USH2A: variants seen among roughly 807,000 people sequenced by gnomAD.
The protein encoded by USH2A is Usher syndrome 2A (autosomal recessive, mild).
Under a neutral mutation model 538.9 loss-of-function variants are expected in USH2A, and 443 were observed. The ratio of observed to expected loss-of-function variants is 0.82; its 90% confidence interval spans 0.76 to 0.89. The LOEUF is 0.89. USH2A is among the 40% of genes least tolerant of loss of function. The pLI is 0.00. For synonymous variants in USH2A, 2,413 were observed against 2,273.5 expected, an observed-to-expected ratio of 1.06 and a Z score of -1.75; for missense variants, 6,633 against 6,324.8, an observed-to-expected ratio of 1.05 and a Z score of -1.65.
At chr1:216,329,356 G>A (rs1262372247) in intron 4 of USH2A, among the ~76,000 whole-genome samples, 1 of 152,106 alleles carries the variant, frequency 6.6e-6, no homozygotes, top group Non-Finnish European at 1.5e-5. Context: ...AGAGGGAATG[G>A]TAGAAAGATG....
At chr1:215,629,196 A>T (rs1656176153) in intron 70 of USH2A, among the ~76,000 whole-genome samples, 161 bp from the exon 71 acceptor site, 1 of 152,166 alleles carries the variant, frequency 6.6e-6, no homozygotes. Context: ...AGAATTTAGC[A>T]GCTATGAGCA....
chr1:216,274,982 C>A (rs1308762180), intron 11 of USH2A, among the ~76,000 whole-genome samples: 1 of 152,034 alleles, frequency 6.6e-6, no homozygotes, highest in Admixed American at 6.6e-5. Context: ...TTTTCTCAAT[C>A]TTTTGAGTGT....
intron 64 of USH2A, among the ~76,000 whole-genome samples, chr1:215,663,689 C>CT (rs1467775784): frequency 3.3e-5 from 5 of 152,084 alleles, no homozygotes; most frequent in African/African-American, 1.2e-4. Context: ...AGTCAGAGTC[C>CT]TGTATTGGTT....
At chr1:216,377,448 A>G (rs1401108660) in intron 3 of USH2A, among the ~76,000 whole-genome samples, 1 of 152,198 alleles carries the variant, frequency 6.6e-6, no homozygotes, top group Non-Finnish European at 1.5e-5. Context: ...AATGCAGAAT[A>G]TTCAGTGAAC....
Position 216,356,130 on chromosome 1 carries a change from C to T in USH2A, c.784+8823G>A, listed in dbSNP as rs554496287. 6.4e-4 allele frequency among the ~76,000 whole-genome samples: 97 copies of T among 152,164 alleles called. 1 individual carries two copies. The highest frequency in any genetic ancestry group is 2.3e-3 in the African/African-American group (95 of 41,536). Reference sequence around the variant, plus strand: ...AACCCAAATCTGTCTGATTCTAAATCTCATGCTTTGCTTCTCAGGCACAAA... The same window carrying T: ...AACCCAAATCTGTCTGATTCTAAATTTCATGCTTTGCTTCTCAGGCACAAA... On this transcript the variant is annotated intron_variant, in intron 4 of 71. Coordinates refer to ENST00000307340, the MANE Select transcript of USH2A (RefSeq NM_206933.4).
intron 21 of USH2A, among the ~76,000 whole-genome samples, chr1:216,102,649 A>T (rs1396148271): frequency 6.6e-6 from 1 of 151,976 alleles, no homozygotes; most frequent in African/African-American, 2.4e-5. Context: ...AGTACAAAAA[A>T]ATTAGCCGGG....
At chr1:216,319,982 T>C (rs2037575521) in intron 9 of USH2A, among the ~76,000 whole-genome samples, 1 of 152,184 alleles carries the variant, frequency 6.6e-6, no homozygotes, top group South Asian at 2.1e-4. Flanking sequence ...CATGAGTGTA[T>C]GAGACAGTGC....
chr1:215,679,516 G>A (rs2102671093), intron 62 of USH2A, among the ~76,000 whole-genome samples: 1 of 152,334 alleles, frequency 6.6e-6, no homozygotes, highest in South Asian at 2.1e-4. Context: ...AGAGGTAGAT[G>A]AAGGCTGGTT....
At chr1:215,695,893 G>T (rs899653426) in intron 61 of USH2A, among the ~76,000 whole-genome samples, 19 of 152,004 alleles carry the variant, frequency 1.2e-4, no homozygotes, top group Admixed American at 1.3e-4. Flanking sequence ...GGAATTACAG[G>T]TGTGTGCCAC....
At chr1:215,824,659 A>C (rs1206844906) in intron 47 of USH2A, among the ~76,000 whole-genome samples, 1 of 152,072 alleles carries the variant, frequency 6.6e-6, no homozygotes, top group Admixed American at 6.6e-5. Context: ...ATCTCCCCAC[A>C]TTGTCTCTGG....
chr1:215,673,046 G>A (rs78798297), intron 63 of USH2A, among the ~76,000 whole-genome samples: 4,577 of 152,254 alleles, frequency 0.03, 208 homozygotes, highest in African/African-American at 0.1. Flanking sequence ...ATACAGCTCT[G>A]CAGCTACAGT....
At chr1:216,022,839 C>T (rs569859279) in intron 32 of USH2A, among the ~76,000 whole-genome samples, 2 of 152,264 alleles carry the variant, frequency 1.3e-5, no homozygotes, top group South Asian at 2.1e-4. Context: ...CCTGGCACAG[C>T]AGTGGGAGAG....
intron 4 of USH2A, among the ~76,000 whole-genome samples, chr1:216,358,654 T>G (rs1571737561): frequency 6.6e-6 from 1 of 152,118 alleles, no homozygotes; most frequent in Admixed American, 6.6e-5. Context: ...GGTACGACTG[T>G]ACATATAAAT....
intron 4 of USH2A, among the ~76,000 whole-genome samples, chr1:216,339,001 A>G (rs1020968863): frequency 6.6e-6 from 1 of 151,620 alleles, no homozygotes; most frequent in Non-Finnish European, 1.5e-5. Context: ...TAAGAAGCCT[A>G]TGATACCTTT....
rs575738490 is a variant in USH2A at position 216,081,577 on chromosome 1, A to G, written c.5298+1879T>C. Among the ~76,000 whole-genome samples, 3 of 152,074 alleles carry G rather than the reference A, an allele frequency of 2.0e-5. No individual in the cohort carries two copies. The South Asian group carries it at 6.2e-4, about 32-fold the overall frequency. ...CATAATAGGCACTCCGTATATATTT[A>G]TCTAAGTGTATTGATTTTTTTTTGT... On this transcript the variant is annotated intron_variant, in intron 26 of 71. Coordinates refer to ENST00000307340, the MANE Select transcript of USH2A (RefSeq NM_206933.4).
At chr1:215,704,449 C>G (rs1659126252) in intron 61 of USH2A, among the ~76,000 whole-genome samples, 1 of 152,220 alleles carries the variant, frequency 6.6e-6, no homozygotes, top group South Asian at 2.1e-4. Context: ...CTCCTAGATC[C>G]TAATGCATTG....
Position 215,770,509 on chromosome 1 carries a change from TG to T in USH2A, c.10940-3722del, listed in dbSNP as rs147395257. Among the ~76,000 whole-genome samples the T allele has an allele frequency of 4.3e-3, 649 of 152,312 alleles. 6 individuals are homozygous for T. Among genetic ancestry groups the T allele is most frequent in the African/African-American group, 0.014 (599 of 41,558 alleles). ...CAACAGACAAAACTCAGGGTGTTTT[TG>T]TTTTTGTTGGTCTGTTTTTAATTCT... is the stretch of plus-strand genomic sequence containing the variant. On this transcript the variant is annotated intron_variant, in intron 55 of 71. Coordinates refer to ENST00000307340, the MANE Select transcript of USH2A (RefSeq NM_206933.4).
chr1:215,977,959 C>T (rs530629483), intron 35 of USH2A, among the ~76,000 whole-genome samples: 3 of 152,222 alleles, frequency 2.0e-5, no homozygotes, highest in African/African-American at 7.2e-5. Context: ...AGCCCTGTCT[C>T]TACAAAAAAT....
intron 11 of USH2A, 24 bp from the exon 12 acceptor site, chr1:216,251,122 A>G: frequency 6.2e-7 from 1 of 1,612,104 alleles, no homozygotes; most frequent in Non-Finnish European, 8.5e-7. Flanking sequence ...AACATTTTGT[A>G]GAATGATGAA....
Sources: gnomAD v4.1 joint callset for allele counts (sites outside exome capture counted in the v4.1 genomes callset) on GRCh38, gnomAD v4.1.1 for gene constraint, MANE v1.5 for transcripts, NCBI Gene and HGNC (gene_info 2026-07-23, HGNC 2026-07-21) for gene names.